The following POLR2F variants were observed in gnomAD, a reference collection of about 807,000 sequenced individuals.
The protein encoded by POLR2F is DNA-directed RNA polymerases I, II, and III subunit RPABC2.
Under a neutral mutation model 22.7 loss-of-function variants are expected in POLR2F, and 12 were observed. That is an observed-to-expected ratio of 0.53 (90% CI 0.34 to 0.86). The LOEUF (loss-of-function observed/expected upper bound fraction) is 0.86. Ranked by LOEUF, POLR2F falls within the 40% of genes least tolerant of loss-of-function variation. POLR2F has a pLI of 0.02. For missense variants in POLR2F, 126 were observed against 171.5 expected, an observed-to-expected ratio of 0.73 and a Z score of 1.48; for synonymous variants, 57 against 66.0, an observed-to-expected ratio of 0.86 and a Z score of 0.66.
At chr22:37,999,067 C>A (rs867599965) in intron 1 of POLR2F, among the ~76,000 whole-genome samples, 13 of 152,060 alleles carry the variant, frequency 8.5e-5, no homozygotes, top group Non-Finnish European at 5.9e-5. Flanking sequence ...TTCCCTCATT[C>A]CCAGACGGCC....
intron 1 of POLR2F, among the ~76,000 whole-genome samples, chr22:37,994,011 T>C (rs956646839): frequency 7.2e-5 from 11 of 152,312 alleles, no homozygotes; most frequent in Admixed American, 3.3e-4. Context: ...GAATGGCAAG[T>C]GCTCAGCCTA....
At chr22:38,030,648 C>G (rs1432839101), downstream of POLR2F, among the ~76,000 whole-genome samples, 1 of 152,160 alleles carries the variant, frequency 6.6e-6, no homozygotes, top group African/African-American at 2.4e-5. Flanking sequence ...GGTCTGAGAC[C>G]CCAGGCCTGT....
At chr22:37,987,179 G>A (rs888626914) in intron 1 of POLR2F, 24 of 456,564 alleles carry the variant, frequency 5.3e-5, no homozygotes, top group Non-Finnish European at 7.5e-5. Context: ...GCAGAGAGGG[G>A]TCTGCGGTCT....
intron 4 of POLR2F, among the ~76,000 whole-genome samples, chr22:37,979,868 C>CT (rs1187754981): frequency 1.3e-5 from 2 of 152,098 alleles, no homozygotes; most frequent in East Asian, 3.9e-4. Context: ...GCAGCCTTGT[C>CT]TGTCAGTCCA....
chr22:38,010,199 A>G (rs2084858724), intron 1 of POLR2F, among the ~76,000 whole-genome samples: 1 of 152,020 alleles, frequency 6.6e-6, no homozygotes, highest in African/African-American at 2.4e-5. Context: ...ACATAGCAAG[A>G]CTCCATCTCT....
chr22:37,990,759 G>A (rs62235116), intron 1 of POLR2F, among the ~76,000 whole-genome samples: 2 of 152,358 alleles, frequency 1.3e-5, no homozygotes, highest in African/African-American at 4.8e-5. Context: ...CCCTCTCTGG[G>A]CCTCAGTTTC....
chr22:38,002,006 G>A (rs1345993466), intron 1 of POLR2F, among the ~76,000 whole-genome samples: 1 of 151,064 alleles, frequency 6.6e-6, no homozygotes. Context: ...GTAAAAATAC[G>A]AAAATACAAA....
chr22:38,010,926 T>C (rs994864756), intron 1 of POLR2F, among the ~76,000 whole-genome samples: 14 of 151,604 alleles, frequency 9.2e-5, no homozygotes, highest in African/African-American at 3.4e-4. Flanking sequence ...CTTAATGGTG[T>C]CTTTTGAAGA....
At chr22:38,029,116 A>T (rs553066729), downstream of POLR2F, among the ~76,000 whole-genome samples, 414 of 152,142 alleles carry the variant, frequency 2.7e-3, 1 homozygote, top group Non-Finnish European at 4.3e-3. Context: ...GTGCTGGTGA[A>T]GGCAGCCGAG....
At chr22:37,984,599 G>C (rs1932515809), upstream of POLR2F, 1 of 151,246 alleles carries the variant, frequency 6.6e-6, no homozygotes, top group Admixed American at 6.8e-5. The surrounding 1 kb of genome is among the most constrained non-coding windows in gnomAD (Gnocchi z 4.4). Flanking sequence ...AGGAGGGGGA[G>C]AGGGGGGAGG....
intron 1 of POLR2F, among the ~76,000 whole-genome samples, chr22:38,012,184 C>A (rs988273047): frequency 7.9e-5 from 12 of 151,246 alleles, no homozygotes; most frequent in African/African-American, 2.4e-5. Flanking sequence ...TGGGTTCAAG[C>A]GATTCTTGTG....
chr22:37,969,853 C>T (rs750104607), downstream of POLR2F, among the ~76,000 whole-genome samples: 1 of 151,992 alleles, frequency 6.6e-6, no homozygotes, highest in Non-Finnish European at 1.5e-5. Context: ...TCGATGGTTA[C>T]TGGTCCAGTA....
downstream of POLR2F, among the ~76,000 whole-genome samples, chr22:38,031,123 T>C (rs1042596508): frequency 7.9e-5 from 12 of 151,764 alleles, no homozygotes; most frequent in African/African-American, 2.7e-4. This position sits in a 1 kb window ranked among gnomAD's most constrained non-coding sequence, Gnocchi z 4.1. Context: ...CTCCTACTAC[T>C]CTGTCAGGCC....
chr22:38,030,302 G>A (rs1055487713), downstream of POLR2F, among the ~76,000 whole-genome samples: 48 of 152,240 alleles, frequency 3.2e-4, no homozygotes, highest in African/African-American at 1.1e-3. Flanking sequence ...GTCATGTGCT[G>A]GTAAATATGC....
In POLR2F at chr22:38,019,837, A is replaced by T. The variant is rs181874667; in HGVS notation, c.121-6032A>T. Among the ~76,000 whole-genome samples the T allele has an allele frequency of 2.8e-3, 426 of 152,280 alleles. 2 individuals are homozygous for T. The highest frequency in any genetic ancestry group is 9.7e-3 in the African/African-American group (405 of 41,546). ...CGAGACCAGCCTGACCAACATGGTG[A>T]AACCCCATCTCTACTAAAAATACAA... On this transcript the variant is annotated intron_variant, in intron 1 of 2. Coordinates refer to the POLR2F transcript ENST00000333418.
chr22:37,998,629 G>A (rs1411907358), intron 1 of POLR2F, among the ~76,000 whole-genome samples: 1 of 152,210 alleles, frequency 6.6e-6, no homozygotes. Context: ...TGCTGGCCCT[G>A]TGGCCCTGGG....
chr22:38,001,177 C>A (rs1463392283), intron 1 of POLR2F, among the ~76,000 whole-genome samples: 1 of 152,290 alleles, frequency 6.6e-6, no homozygotes, highest in East Asian at 1.9e-4. Flanking sequence ...TCCCCTCTCT[C>A]AGCCTCAGTT....
chr22:38,029,720 C>T (rs1027083173), downstream of POLR2F, among the ~76,000 whole-genome samples: 19 of 152,184 alleles, frequency 1.2e-4, no homozygotes, highest in Admixed American at 9.8e-4. Context: ...ATCTGGGAGA[C>T]TGCAAGCAAG....
chr22:37,973,268 T>C, downstream of POLR2F: 2 of 507,878 alleles, frequency 3.9e-6, no homozygotes, highest in East Asian at 3.0e-5. Context: ...ACAGTCAACC[T>C]CCTTCTCCTC....
Sources: gnomAD v4.1 joint callset for allele counts (sites outside exome capture counted in the v4.1 genomes callset) on GRCh38, gnomAD v4.1.1 for gene constraint, Gnocchi (gnomAD v3.1) non-coding constraint, MANE v1.5 for transcripts, NCBI Gene and HGNC (gene_info 2026-07-23, HGNC 2026-07-21) for gene names.